PIP4K2B: variants seen among roughly 807,000 people sequenced by gnomAD.
PIP4K2B encodes phosphatidylinositol 5-phosphate 4-kinase type-2 beta.
In PIP4K2B, 3 loss-of-function variants were observed where a neutral mutation model predicts 42.0. The observed-to-expected ratio is 0.07, with a 90% CI of 0.03 to 0.18. The LOEUF (loss-of-function observed/expected upper bound fraction) is 0.18. Among genes scored for constraint, PIP4K2B ranks in the 10% least tolerant of loss-of-function variants. PIP4K2B has a pLI of 1.00. For synonymous variants in PIP4K2B, 204 were observed against 210.1 expected (o/e 0.97, Z 0.25); for missense variants, 332 against 562.3 (o/e 0.59, Z 4.14).
Position 38,766,961 on chromosome 17 carries a change from A to AG in PIP4K2B, c.*2729dup, listed in dbSNP as rs1005115235. On this transcript the variant is annotated 3_prime_UTR_variant, in exon 10 of 10. Transcript: ENST00000619039. ...GAAGAAGAGGGGGAAGGATGGGAGAAGGGGTGACTGGATGCCAGCCAGGAA... is the reference window on the plus strand; with the variant it reads ...GAAGAAGAGGGGGAAGGATGGGAGAAGGGGGTGACTGGATGCCAGCCAGGAA... 3 of 152,412 alleles carry AG rather than the reference A, an allele frequency of 2.0e-5. No individual in the cohort carries two copies. The highest frequency in any genetic ancestry group is 1.3e-4 in the Admixed American group (2 of 15,276). The allele number at this position is 152,412 out of a possible 1,614,324, so 9.4% of individuals were successfully genotyped here.
Position 38,777,710 on chromosome 17 carries a change from C to G in PIP4K2B, c.784G>C (p.Glu262Gln). The G allele has an allele frequency of 2.5e-6, 4 of 1,613,390 alleles. No homozygotes were observed. Among genetic ancestry groups the G allele is most frequent in the Non-Finnish European group, 3.4e-6 (4 of 1,179,288 alleles). Reference protein sequence around the residue: ...VGEESKKNFLEKLKRDVEFLA... With the variant: ...VGEESKKNFLQKLKRDVEFLA... ...ACCTCAACGTCCCGCTTCAGTTTCT[C>G]CAGGAAGTTCTTTTTACTCTCCTCT... The change falls in exon 7 of 10, where the codon GAG becomes CAG. Residue 262 changes from glutamate (E) to glutamine (Q), a missense_variant. Glu to Gln is a conservative substitution (Grantham distance 29). This residue lies in a region of PIP4K2B where 26 missense variants were observed against 23.7 expected (regional missense o/e 1.10). Transcript: ENST00000619039.
rs766064322 is a variant in PIP4K2B at position 38,771,397 on chromosome 17, CAG to C, written c.808-127_808-126del. The stretch of plus-strand genomic sequence containing the variant: ...TTCTACAAACAGTTTTGAAATTCAA[CAG>C]AGAGTAAGGCATCAGAGCACCCGCC... On this transcript the variant is annotated intron_variant, in intron 7 of 9. Coordinates refer to ENST00000619039, the MANE Select transcript of PIP4K2B (RefSeq NM_003559.5). 551 of 1,156,252 alleles carry C rather than the reference CAG, an allele frequency of 4.8e-4. 5 individuals are homozygous for C. Among genetic ancestry groups the C allele is most frequent in the Middle Eastern group, 1.2e-3 (6 of 4,914 alleles). 71.6% of individuals were successfully genotyped at this position (1,156,252 alleles called of 1,614,324 possible). A position where few individuals can be genotyped will look rare whatever the true frequency, so the allele number is the denominator to read the frequency against.
At chr17:38,790,820 C>T (rs1910304828) in intron 1 of PIP4K2B, among the ~76,000 whole-genome samples, 1 of 152,142 alleles carries the variant, frequency 6.6e-6, no homozygotes, top group South Asian at 2.1e-4. Flanking sequence ...CTAGGGGAGA[C>T]TTACCCCTCA....
Position 38,771,042 on chromosome 17 carries a change from A to G in PIP4K2B, c.1038T>C (p.Val346=), listed in dbSNP as rs750349262. 2.5e-6 allele frequency: 4 copies of G among 1,614,142 alleles called. No homozygotes were observed. Among genetic ancestry groups the G allele is most frequent in the South Asian group, 2.2e-5 (2 of 91,074 alleles). ...FFGPGEFDPS[V]DVYAMKSHES... The stretch of plus-strand genomic sequence containing the variant: ...CATGGCTTTTCATGGCATAGACGTC[A>G]ACAGAGGGGTCGAATTCCCCAGGAC... Residue 346 remains valine, a synonymous_variant, in exon 8 of 10, where the codon GTT becomes GTC. Coordinates refer to ENST00000619039, the MANE Select transcript of PIP4K2B (RefSeq NM_003559.5).
chr17:38,786,827 T>G lies in PIP4K2B; in HGVS notation c.253A>C (p.Asn85His), dbSNP rs766896792. 2.5e-6 allele frequency: 4 copies of G among 1,598,738 alleles called. No homozygotes were observed. In the African/African-American group the frequency reaches 5.4e-5, roughly 21 times the overall value. ...TCCACTCAGTAGACAACTTACTTAT[T>G]GAAGAGATGATTGTCCACCTTGATC... ...SKIKVDNHLF[N>H]KENLPSRFKF... Residue 85 changes from asparagine to histidine, a missense_variant, in exon 2 of 10, where the codon AAT becomes CAT. By Grantham distance (68) the Asn-to-His change is moderately conservative. This residue lies in a region of PIP4K2B where 186 missense variants were observed against 288.4 expected (regional missense o/e 0.64). Coordinates refer to ENST00000619039, the MANE Select transcript of PIP4K2B (RefSeq NM_003559.5).
chr17:38,784,810 A>AT (rs1386999463), intron 2 of PIP4K2B, among the ~76,000 whole-genome samples: 1 of 152,082 alleles, frequency 6.6e-6, no homozygotes, highest in Non-Finnish European at 1.5e-5. Flanking sequence ...AAAGAAAAAA[A>AT]CTCTCACCCG....
chr17:38,797,820 C>T (rs922351106), intron 1 of PIP4K2B, among the ~76,000 whole-genome samples: 1 of 152,090 alleles, frequency 6.6e-6, no homozygotes, highest in African/African-American at 2.4e-5. Flanking sequence ...TCAGATGACC[C>T]CTGGGACAGC....
rs1256211180 is a variant in PIP4K2B, at chr17:38,769,400, A to G, written c.*291T>C. ...GCCCCAAGGTATCTTAAAAGGTTAC[A>G]AGGTACCAAAAAGGGAACCCCTTTT... is the stretch of plus-strand genomic sequence containing the variant. On this transcript the variant is annotated 3_prime_UTR_variant, in exon 10 of 10. Transcript: ENST00000619039. 9.1e-6 allele frequency: 4 copies of G among 438,032 alleles called. No individual in the cohort carries two copies. The highest frequency in any genetic ancestry group is 3.9e-5 in the African/African-American group (2 of 51,134). 27.1% of individuals were successfully genotyped at this position (438,032 alleles called of 1,614,324 possible).
intron 1 of PIP4K2B, among the ~76,000 whole-genome samples, chr17:38,798,670 G>A (rs1598061787): frequency 1.3e-5 from 2 of 152,276 alleles, no homozygotes; most frequent in South Asian, 2.1e-4. Context: ...GAGAGACCCA[G>A]GTGAAGTGTC....
intron 1 of PIP4K2B, among the ~76,000 whole-genome samples, chr17:38,787,394 A>G (rs1013881072): frequency 6.6e-6 from 1 of 152,102 alleles, no homozygotes; most frequent in African/African-American, 2.4e-5. Context: ...TCTCCACCTG[A>G]TAAGGGCCAG....
At chr17:38,777,901 G>T in intron 6 of PIP4K2B, 101 bp from the exon 7 acceptor site, 1 of 851,348 alleles carries the variant, frequency 1.2e-6, no homozygotes, top group Non-Finnish European at 2.0e-6. Context: ...GGGGAAGGAG[G>T]GGTTGTCAGT....
chr17:38,791,974 T>C (rs1285709676), intron 1 of PIP4K2B, among the ~76,000 whole-genome samples: 2 of 151,576 alleles, frequency 1.3e-5, no homozygotes, highest in South Asian at 2.1e-4. Context: ...CGGGCACCTG[T>C]AGTCCCAGCT....
chr17:38,777,938 G>A, intron 6 of PIP4K2B, 138 bp from the exon 7 acceptor site: 1 of 651,432 alleles, frequency 1.5e-6, no homozygotes, highest in Admixed American at 2.4e-5. Flanking sequence ...TGCTAAATCA[G>A]CAGTGCAGGA....
chr17:38,796,968 C>T (rs1033423107), intron 1 of PIP4K2B, among the ~76,000 whole-genome samples: 1 of 152,134 alleles, frequency 6.6e-6, no homozygotes, highest in African/African-American at 2.4e-5. Context: ...AGGCAGATGT[C>T]TCAGTTCCCA....
Position 38,769,496 on chromosome 17 carries a change from T to G in PIP4K2B, c.*195A>C. 1 of 611,342 alleles carries G rather than the reference T, an allele frequency of 1.6e-6. No homozygotes were observed. Among genetic ancestry groups the G allele is most frequent in the Non-Finnish European group, 2.9e-6 (1 of 339,736 alleles). The allele number at this position is 611,342 out of a possible 1,614,324, so 37.9% of individuals were successfully genotyped here. On this transcript the variant is annotated 3_prime_UTR_variant, in exon 10 of 10. Transcript: ENST00000619039. ...GGTGGGGTTACATCCTGTGAGCAGG[T>G]GCACACACAGCACATCCCCCTCCTC...
intron 3 of PIP4K2B, among the ~76,000 whole-genome samples, chr17:38,783,230 T>C (rs949024332): frequency 1.4e-5 from 2 of 147,530 alleles, no homozygotes; most frequent in Non-Finnish European, 1.5e-5. Flanking sequence ...TCAGCTATAT[T>C]TCTTACAGCT....
In PIP4K2B at chr17:38,769,484, C is replaced by A; in HGVS notation, c.*207G>T. On this transcript the variant is annotated 3_prime_UTR_variant, in exon 10 of 10. Coordinates refer to ENST00000619039, the MANE Select transcript of PIP4K2B (RefSeq NM_003559.5). Reference sequence around the variant, plus strand: ...GGGTAAGCAGAAGGTGGGGTTACATCCTGTGAGCAGGTGCACACACAGCAC... The same window carrying A: ...GGGTAAGCAGAAGGTGGGGTTACATACTGTGAGCAGGTGCACACACAGCAC... 1.7e-6 allele frequency: 1 copy of A among 574,480 alleles called. No homozygotes were observed. 35.6% of individuals were successfully genotyped at this position (574,480 alleles called of 1,614,324 possible). A position where few individuals can be genotyped will look rare whatever the true frequency, so the allele number is the denominator to read the frequency against.
chr17:38,793,213 G>T (rs988360010), intron 1 of PIP4K2B, among the ~76,000 whole-genome samples: 7 of 149,418 alleles, frequency 4.7e-5, no homozygotes, highest in African/African-American at 1.5e-4. Flanking sequence ...ACAGGCGTAA[G>T]CCACTGCTCC....
chr17:38,792,331 A>G (rs1369448897), intron 1 of PIP4K2B, among the ~76,000 whole-genome samples: 2 of 152,072 alleles, frequency 1.3e-5, no homozygotes, highest in African/African-American at 2.4e-5. Context: ...TCTAGTAGAG[A>G]CAAGTTTTCG....
Sources: gnomAD v4.1 joint callset for allele counts (sites outside exome capture counted in the v4.1 genomes callset) on GRCh38, gnomAD v4.1.1 for gene constraint, gnomAD v4.1.1 regional missense constraint, MANE v1.5 for transcripts, NCBI Gene and HGNC (gene_info 2026-07-23, HGNC 2026-07-21) for gene names.